COQ2: variants seen among roughly 807,000 people sequenced by gnomAD.
COQ2 encodes the protein 4-hydroxybenzoate polyprenyltransferase, mitochondrial.
Under a neutral mutation model 35.7 loss-of-function variants are expected in COQ2, and 25 were observed. The ratio of observed to expected loss-of-function variants is 0.70; its 90% CI spans 0.51 to 0.98. The LOEUF (loss-of-function observed/expected upper bound fraction) is 0.98, where lower values mean the gene tolerates loss of function less well. COQ2 is among the 50% of genes least tolerant of loss of function. The probability of loss-of-function intolerance (pLI) is 0.00; values close to 1 mark genes in which losing one functional copy is unlikely to be tolerated. For synonymous variants in COQ2, 206 were observed against 186.2 expected (o/e 1.11, Z -0.86); for missense variants, 488 against 473.5 (o/e 1.03, Z -0.28).
At chr4:83,279,303 G>A (rs1053713409) in intron 1 of COQ2, among the ~76,000 whole-genome samples, 189 bp from the exon 2 acceptor site, 1 of 151,732 alleles carries the variant, frequency 6.6e-6, no homozygotes. Flanking sequence ...CTAGAAGAAA[G>A]AGATCAACAG....
intron 1 of COQ2, among the ~76,000 whole-genome samples, chr4:83,279,729 T>A (rs1308412056): frequency 2.0e-5 from 3 of 151,884 alleles, no homozygotes; most frequent in African/African-American, 7.3e-5. Flanking sequence ...GAGACAGGAG[T>A]AAGAGACTTG....
chr4:83,275,075 T>C (rs1735135663), intron 2 of COQ2, among the ~76,000 whole-genome samples: 1 of 152,254 alleles, frequency 6.6e-6, no homozygotes, highest in African/African-American at 2.4e-5. Flanking sequence ...ATGTTTGTAA[T>C]TGCTCACTGA....
chr4:83,270,655 T>C (rs748646734), intron 4 of COQ2, among the ~76,000 whole-genome samples: 5 of 152,136 alleles, frequency 3.3e-5, no homozygotes, highest in Non-Finnish European at 5.9e-5. Flanking sequence ...GTATTACCTA[T>C]TTCCACTCAT....
At chr4:83,270,530 A>G (rs1430707023) in intron 4 of COQ2, among the ~76,000 whole-genome samples, 3 of 152,154 alleles carry the variant, frequency 2.0e-5, no homozygotes, top group Non-Finnish European at 2.9e-5. Context: ...AACTCTCCTA[A>G]GCTCCAGACT....
chr4:83,271,973 T>C, intron 4 of COQ2, 114 bp downstream of exon 4: 1 of 695,032 alleles, frequency 1.4e-6, no homozygotes, highest in East Asian at 3.1e-5. Context: ...CTACTATTGG[T>C]TAGGAAAATT....
chr4:83,278,549 T>C (rs1299163824), intron 2 of COQ2, among the ~76,000 whole-genome samples: 2 of 152,256 alleles, frequency 1.3e-5, no homozygotes, highest in African/African-American at 4.8e-5. Flanking sequence ...TAACAAGTGC[T>C]GCCTTGATTC....
chr4:83,270,101 G>T, intron 4 of COQ2, 108 bp from the exon 5 acceptor site: 2 of 1,178,452 alleles, frequency 1.7e-6, no homozygotes, highest in Non-Finnish European at 2.4e-6. Flanking sequence ...ATCAGACTCT[G>T]TGTGTGCTGC....
Position 83,264,363 on chromosome 4 carries a change from T to C in COQ2, c.952A>G (p.Ile318Val). 1 of 1,595,936 alleles carries C rather than the reference T, an allele frequency of 6.3e-7. No homozygotes were observed. The highest frequency in any genetic ancestry group is 8.5e-7 in the Non-Finnish European group (1 of 1,173,946). ...GAVGAHLTHQ[I>V]YTLDIHRPED... The stretch of plus-strand genomic sequence containing the variant: ...GGTCTGTGGATGTCTAGAGTGTAAA[T>C]CTGCAAGAGAGGAATACAAAGTTGT... Residue 318 changes from isoleucine to valine, a missense_variant and splice_region_variant, in exon 7 of 7, where the codon ATT becomes GTT. Transcript: ENST00000647002.
intron 6 of COQ2, 103 bp from the exon 7 acceptor site, chr4:83,264,466 T>C (rs1734863397): frequency 6.8e-7 from 1 of 1,460,186 alleles, no homozygotes; most frequent in Non-Finnish European, 9.0e-7. Flanking sequence ...ATACAAAAAA[T>C]ACAAATATAA....
At chr4:83,269,631 A>G (rs1045649838) in intron 5 of COQ2, among the ~76,000 whole-genome samples, 1 of 152,368 alleles carries the variant, frequency 6.6e-6, no homozygotes, top group East Asian at 1.9e-4. Context: ...TAAATAAAAT[A>G]AATGAGTTGA....
Position 83,284,659 on chromosome 4 carries a change from C to T in COQ2, c.106G>A (p.Gly36Ser). 6.9e-7 allele frequency: 1 copy of T among 1,452,722 alleles called. No homozygotes were observed. Among genetic ancestry groups the T allele is most frequent in the Non-Finnish European group, 9.0e-7 (1 of 1,108,272 alleles). The allele number at this position is 1,452,722 out of a possible 1,614,324, so 90.0% of individuals were successfully genotyped here. The part of the protein sequence containing the change: ...GRSFALARAA[G>S]APHGGDLQPP... ...TGCAAGTCACCACCGTGGGGCGCGC[C>T]TGCCGCACGCGCCAGGGCGAAGGAG... The change falls in exon 1 of 7, where the codon GGC becomes AGC. Residue 36 changes from glycine to serine, a missense_variant. Gly to Ser is a moderately conservative substitution (Grantham distance 56, BLOSUM62 0). Coordinates refer to ENST00000647002, the MANE Select transcript of COQ2 (RefSeq NM_001358921.2).
intron 4 of COQ2, 88 bp downstream of exon 4, chr4:83,271,999 C>A: frequency 2.4e-6 from 2 of 840,172 alleles, no homozygotes; most frequent in Non-Finnish European, 3.7e-6. Flanking sequence ...ACTGATTTGT[C>A]ATTTCATCTT....
chr4:83,276,040 T>TA (rs202159708), intron 2 of COQ2, among the ~76,000 whole-genome samples: 3 of 20,662 alleles, frequency 1.5e-4, no homozygotes, highest in Non-Finnish European at 4.1e-4. Context: ...ATATAATATA[T>TA]AAAATATATA....
chr4:83,282,814 A>G (rs1735357219), intron 1 of COQ2, among the ~76,000 whole-genome samples: 1 of 152,218 alleles, frequency 6.6e-6, no homozygotes, highest in Non-Finnish European at 1.5e-5. Flanking sequence ...GTGGAGGTTC[A>G]CATCCAAGAG....
At chr4:83,264,832 C>T (rs773308479) in intron 6 of COQ2, among the ~76,000 whole-genome samples, 1 of 152,160 alleles carries the variant, frequency 6.6e-6, no homozygotes, top group Non-Finnish European at 1.5e-5. Context: ...GCAACTCCTA[C>T]CCTCCAGTTC....
Position 83,269,858 on chromosome 4 carries a change from A to C in COQ2, c.762+2T>G. 2 of 1,559,372 alleles carry C rather than the reference A, an allele frequency of 1.3e-6. No individual in the cohort carries two copies. Among genetic ancestry groups the C allele is most frequent in the Non-Finnish European group, 1.7e-6 (2 of 1,156,268 alleles). On this transcript the variant is annotated splice_donor_variant, in intron 5 of 6. Coordinates refer to ENST00000647002, the MANE Select transcript of COQ2 (RefSeq NM_001358921.2). LOFTEE classifies it high-confidence loss of function. ...AAAGTTAAGAAAAGATAATTTCTTTACCTGATGGGCATAAATAGTATCATA... is the reference window on the plus strand; with the variant it reads ...AAAGTTAAGAAAAGATAATTTCTTTCCCTGATGGGCATAAATAGTATCATA...
At chr4:83,268,369 A>G (rs1162743464) in intron 5 of COQ2, among the ~76,000 whole-genome samples, 2 of 152,184 alleles carry the variant, frequency 1.3e-5, no homozygotes, top group Non-Finnish European at 2.9e-5. Flanking sequence ...GGTTTCTCCC[A>G]GCAAGTTTAC....
chr4:83,270,092 T>G, intron 4 of COQ2, 99 bp from the exon 5 acceptor site: 1 of 1,298,222 alleles, frequency 7.7e-7, no homozygotes, highest in Non-Finnish European at 1.1e-6. Flanking sequence ...CTCCTGGGTA[T>G]CAGACTCTGT....
At chr4:83,279,860 C>CTTTTTT (rs11420227) in intron 1 of COQ2, among the ~76,000 whole-genome samples, 2 of 130,182 alleles carry the variant, frequency 1.5e-5, no homozygotes, top group Non-Finnish European at 3.2e-5. Flanking sequence ...ACGGTCTAGT[C>CTTTTTT]TTTTTTTTTT....
Sources: allele counts gnomAD v4.1 joint callset (sites outside exome capture counted in the v4.1 genomes callset), GRCh38; gene constraint gnomAD v4.1.1; transcripts MANE v1.5; gene names NCBI Gene and HGNC (gene_info 2026-07-23, HGNC 2026-07-21).